The following NXPE2 variants were observed in gnomAD, a reference collection of about 807,000 sequenced individuals.
NXPE2 encodes NXPE family member 2.
A neutral mutation model predicts 34.4 loss-of-function variants in NXPE2; 34 were observed. The ratio of observed to expected loss-of-function variants is 0.99; its 90% CI spans 0.75 to 1.31. The LOEUF (loss-of-function observed/expected upper bound fraction) is 1.31. NXPE2 is among the 40% of genes most tolerant of loss of function. The pLI is 0.00. For synonymous variants in NXPE2, 235 were observed against 231.3 expected (o/e 1.02, Z -0.15); for missense variants, 649 against 672.5 (o/e 0.97, Z 0.39).
chr11:114,781,927 G>A, the NXPE2 span, among the ~76,000 whole-genome samples: 1 of 152,146 alleles, frequency 6.6e-6, no homozygotes, highest in African/African-American at 2.4e-5. Context: ...TCTGACCAGG[G>A]CAAGTGGCCC....
At chr11:114,598,217 A>G in the NXPE2 span, among the ~76,000 whole-genome samples, 1 of 136,358 alleles carries the variant, frequency 7.3e-6, no homozygotes, top group African/African-American at 2.8e-5. Context: ...CTTTGACCCC[A>G]TGTCTCACAT....
At chr11:114,761,507 C>T in the NXPE2 span, among the ~76,000 whole-genome samples, 1 of 151,364 alleles carries the variant, frequency 6.6e-6, no homozygotes, top group Non-Finnish European at 1.5e-5. Context: ...TTGTGATTTT[C>T]CAGCATGCTA....
At chr11:114,729,207 T>C in the NXPE2 span, among the ~76,000 whole-genome samples, 1 of 152,184 alleles carries the variant, frequency 6.6e-6, no homozygotes, top group Non-Finnish European at 1.5e-5. Context: ...CTTAGCGTAA[T>C]GGCCTCCAGC....
chr11:114,698,288 G>A lies in NXPE2; in HGVS notation c.376G>A (p.Gly126Arg). 1.2e-6 allele frequency: 2 copies of A among 1,613,768 alleles called. No homozygotes were observed. The stretch of plus-strand genomic sequence containing the variant: ...CAACCCTCAAGATACGTACTGCAGG[G>A]GGGATCAGCTGGACATCCTTCTGGA... ...ILNPQDTYCR[G>R]DQLDILLEVR... The change falls in exon 3 of 6, where the codon GGG (glycine) becomes AGG (arginine). Residue 126 changes from glycine to arginine, a missense_variant. Physicochemically the swap from Gly to Arg is moderately radical, Grantham distance 125. Coordinates refer to ENST00000389586, the MANE Select transcript of NXPE2 (RefSeq NM_182495.6).
chr11:114,473,953 A>G, the NXPE2 span, among the ~76,000 whole-genome samples: 1 of 151,948 alleles, frequency 6.6e-6, no homozygotes, highest in Non-Finnish European at 1.5e-5. Flanking sequence ...GGGATGGAAG[A>G]GAAGGCTGGG....
the NXPE2 span, among the ~76,000 whole-genome samples, chr11:114,721,496 G>A: frequency 1.3e-5 from 2 of 152,110 alleles, no homozygotes; most frequent in East Asian, 3.9e-4. Context: ...GAGAAAGGGA[G>A]CCTGAGCACA....
chr11:114,794,536 A>C, the NXPE2 span, among the ~76,000 whole-genome samples: 1 of 152,210 alleles, frequency 6.6e-6, no homozygotes, highest in Non-Finnish European at 1.5e-5. Context: ...TTGCAAAGCT[A>C]TCAGACTTGC....
At chr11:114,653,928 C>T in the NXPE2 span, among the ~76,000 whole-genome samples, 1 of 152,068 alleles carries the variant, frequency 6.6e-6, no homozygotes, top group African/African-American at 2.4e-5. Context: ...AGGAAGTTCC[C>T]ATGATGTCTT....
chr11:114,645,965 T>C, the NXPE2 span, among the ~76,000 whole-genome samples: 2 of 152,124 alleles, frequency 1.3e-5, no homozygotes, highest in African/African-American at 4.8e-5. Context: ...ATTAAATATG[T>C]ATATAGCCTT....
chr11:114,662,330 C>T, the NXPE2 span, among the ~76,000 whole-genome samples: 1 of 152,190 alleles, frequency 6.6e-6, no homozygotes, highest in African/African-American at 2.4e-5. Flanking sequence ...TGCCCACCCA[C>T]AGATAGAGCA....
At chr11:114,479,461 G>C in the NXPE2 span, among the ~76,000 whole-genome samples, 1 of 152,118 alleles carries the variant, frequency 6.6e-6, no homozygotes, top group African/African-American at 2.4e-5. Flanking sequence ...TTGTTTAAAT[G>C]TGAAAGGAGT....
chr11:114,718,623 G>C, the NXPE2 span, among the ~76,000 whole-genome samples: 1 of 152,142 alleles, frequency 6.6e-6, no homozygotes. Flanking sequence ...TAAAAGCTGA[G>C]GTTCTCTTAC....
the NXPE2 span, chr11:114,570,886 C>G: frequency 2.3e-6 from 3 of 1,297,558 alleles, no homozygotes; most frequent in Non-Finnish European, 3.2e-6. Flanking sequence ...TGCTAGTAGA[C>G]AGTCAATAAA....
the NXPE2 span, among the ~76,000 whole-genome samples, chr11:114,535,260 C>A: frequency 2.0e-5 from 3 of 152,210 alleles, no homozygotes; most frequent in East Asian, 5.8e-4. Context: ...CAGGCCTGCC[C>A]TAAAAGAGCT....
chr11:114,735,626 A>G, the NXPE2 span, among the ~76,000 whole-genome samples: 2 of 152,216 alleles, frequency 1.3e-5, no homozygotes, highest in East Asian at 3.9e-4. Flanking sequence ...TATTATAATC[A>G]TTGTCATCAT....
the NXPE2 span, among the ~76,000 whole-genome samples, chr11:114,789,334 T>C: frequency 6.6e-6 from 1 of 152,194 alleles, no homozygotes; most frequent in Non-Finnish European, 1.5e-5. Context: ...ATTAAAAAGA[T>C]ATATAAAGCA....
intron 2 of NXPE2, among the ~76,000 whole-genome samples, chr11:114,686,519 TG>T (rs780549670): frequency 3.9e-5 from 6 of 152,294 alleles, no homozygotes; most frequent in South Asian, 2.1e-4. Flanking sequence ...AATCCACCAT[TG>T]TTGGGCACCT....
At chr11:114,733,064 T>C in the NXPE2 span, among the ~76,000 whole-genome samples, 1 of 152,198 alleles carries the variant, frequency 6.6e-6, no homozygotes. Context: ...GTGTCTTTTT[T>C]TGTAATGAAT....
At chr11:114,625,853 C>A in the NXPE2 span, among the ~76,000 whole-genome samples, 1 of 152,144 alleles carries the variant, frequency 6.6e-6, no homozygotes, top group East Asian at 1.9e-4. Flanking sequence ...TGAGGCATTG[C>A]CTCACTCGGG....
Sources: allele counts gnomAD v4.1 joint callset (sites outside exome capture counted in the v4.1 genomes callset), GRCh38; gene constraint gnomAD v4.1.1; transcripts MANE v1.5; gene names NCBI Gene and HGNC (gene_info 2026-07-23, HGNC 2026-07-21).